The following SEPTIN10 variants were observed in gnomAD, a reference collection of about 807,000 sequenced individuals.
The protein encoded by SEPTIN10 is septin 10, also known as septin-10.
Under a neutral mutation model 54.8 loss-of-function variants are expected in SEPTIN10, and 66 were observed. The ratio of observed to expected loss-of-function variants is 1.21; its 90% CI spans 0.99 to 1.48. The LOEUF (loss-of-function observed/expected upper bound fraction) is 1.48, where lower values mean the gene tolerates loss of function less well. SEPTIN10 is among the 40% of genes most tolerant of loss of function. The probability of loss-of-function intolerance (pLI) is 0.00; values close to 1 mark genes in which losing one functional copy is unlikely to be tolerated. For missense variants in SEPTIN10, 620 were observed against 545.6 expected (o/e 1.14, Z -1.36); for synonymous variants, 161 against 181.0 (o/e 0.89, Z 0.89).
chr2:109,583,536 G>A (rs1340968626), intron 4 of SEPTIN10, among the ~76,000 whole-genome samples: 3 of 152,182 alleles, frequency 2.0e-5, no homozygotes, highest in East Asian at 3.8e-4. Context: ...GTACCCTGCT[G>A]GTGGGAATGT....
At chr2:109,603,905 T>C (rs1357719197) in intron 1 of SEPTIN10, among the ~76,000 whole-genome samples, 2 of 151,980 alleles carry the variant, frequency 1.3e-5, no homozygotes, top group African/African-American at 4.8e-5. Flanking sequence ...CTCACACCTG[T>C]AATCCCAGCA....
At chr2:109,591,018 A>C (rs965056724) in intron 2 of SEPTIN10, among the ~76,000 whole-genome samples, 1 of 152,242 alleles carries the variant, frequency 6.6e-6, no homozygotes, top group Admixed American at 6.5e-5. Context: ...GAGAGCTAAC[A>C]AACAGATGCC....
At chr2:109,600,320 C>T (rs191456555) in intron 1 of SEPTIN10, among the ~76,000 whole-genome samples, 1 of 152,242 alleles carries the variant, frequency 6.6e-6, no homozygotes, top group Non-Finnish European at 1.5e-5. Flanking sequence ...ACCCCTGCCC[C>T]TCATCTCCAA....
intron 8 of SEPTIN10, among the ~76,000 whole-genome samples, chr2:109,555,039 G>T (rs1442219259): frequency 2.0e-5 from 3 of 152,096 alleles, no homozygotes; most frequent in Non-Finnish European, 4.4e-5. Flanking sequence ...TGATCTTTGT[G>T]ATTTTCTGCC....
chr2:109,551,923 C>A lies in SEPTIN10; in HGVS notation c.1161+1164G>T, dbSNP rs146902385. Among the ~76,000 whole-genome samples the A allele has an allele frequency of 6.2e-3, 946 of 152,312 alleles. 6 individuals carry two copies. The highest frequency in any genetic ancestry group is 0.022 in the African/African-American group (894 of 41,566). On this transcript the variant is annotated intron_variant, in intron 9 of 10. Transcript: ENST00000397712. ...TTTGGTGCCAGGGCTACCCCAAGGT[C>A]ATCTAGACCAGGGGTCCCCAATCCC...
At chr2:109,572,321 G>A (rs572542255) in intron 5 of SEPTIN10, among the ~76,000 whole-genome samples, 73 of 152,288 alleles carry the variant, frequency 4.8e-4, no homozygotes, top group African/African-American at 1.3e-3. Flanking sequence ...TTTTAGTAGA[G>A]ACGGGGTTTC....
At chr2:109,599,959 G>C (rs1388886665) in intron 1 of SEPTIN10, among the ~76,000 whole-genome samples, 2 of 152,110 alleles carry the variant, frequency 1.3e-5, no homozygotes, top group African/African-American at 2.4e-5. Flanking sequence ...AGCCAAACAG[G>C]TGCGCCATTC....
At chr2:109,582,394 A>C (rs1240976944) in intron 4 of SEPTIN10, among the ~76,000 whole-genome samples, 6 of 152,150 alleles carry the variant, frequency 3.9e-5, no homozygotes, top group Non-Finnish European at 2.9e-5. Flanking sequence ...ATCACGGCTC[A>C]CTGCAGCTTC....
At chr2:109,605,903 G>T (rs188930759) in intron 1 of SEPTIN10, among the ~76,000 whole-genome samples, 18 of 152,322 alleles carry the variant, frequency 1.2e-4, no homozygotes, top group Admixed American at 5.9e-4. Flanking sequence ...CAGTATAAAT[G>T]TATGTTAAGA....
At chr2:109,598,499 A>G (rs1055492342) in intron 1 of SEPTIN10, among the ~76,000 whole-genome samples, 2 of 152,174 alleles carry the variant, frequency 1.3e-5, no homozygotes, top group African/African-American at 4.8e-5. Flanking sequence ...TCTTTAGGAT[A>G]ATGTGAGCGA....
At chr2:109,548,525 G>A (rs1681927093) in intron 9 of SEPTIN10, among the ~76,000 whole-genome samples, 1 of 152,116 alleles carries the variant, frequency 6.6e-6, no homozygotes, top group Non-Finnish European at 1.5e-5. Flanking sequence ...TAGAAAGGGG[G>A]AGACGTTTGG....
At chr2:109,545,391 C>T (rs1680918889) in intron 10 of SEPTIN10, 4 of 1,534,426 alleles carry the variant, frequency 2.6e-6, no homozygotes, top group South Asian at 2.4e-5. Flanking sequence ...ATACCCCAAA[C>T]CTACACGCCT....
At chr2:109,567,675 T>C (rs1385320076) in intron 6 of SEPTIN10, 140 bp downstream of exon 6, 8 of 783,604 alleles carry the variant, frequency 1.0e-5, no homozygotes, top group Non-Finnish European at 1.5e-5. Flanking sequence ...CATTTTCTCA[T>C]ACTGGACTTT....
chr2:109,572,448 T>C (rs1688627904), intron 5 of SEPTIN10, among the ~76,000 whole-genome samples: 1 of 151,490 alleles, frequency 6.6e-6, no homozygotes. Flanking sequence ...CCCTATTTTA[T>C]ATATGAAAAA....
At position 109,570,676 on chromosome 2, in the gene SEPTIN10, C is replaced by T. The variant is rs575612461; in HGVS notation, c.601-2700G>A. 4.6e-5 allele frequency among the ~76,000 whole-genome samples: 7 copies of T among 151,916 alleles called. No individual in the cohort carries two copies. The East Asian group carries it at 1.4e-3, about 30-fold the overall frequency. On this transcript the variant is annotated intron_variant, in intron 5 of 10. Transcript: ENST00000397712. ...AGCTGGGATTACAGGTGCCTGCCAC[C>T]ATGCCCAGCTAATTTTTTTGTATTT...
At chr2:109,591,113 ATT>A (rs937484994) in intron 2 of SEPTIN10, among the ~76,000 whole-genome samples, 140 of 152,324 alleles carry the variant, frequency 9.2e-4, no homozygotes, top group African/African-American at 3.3e-3. Context: ...CATTTGAATC[ATT>A]TTTAGTCATG....
At chr2:109,580,134 T>C (rs945540867) in intron 4 of SEPTIN10, among the ~76,000 whole-genome samples, 6 of 150,556 alleles carry the variant, frequency 4.0e-5, no homozygotes, top group Non-Finnish European at 7.4e-5. Context: ...AAAAAGAGTA[T>C]AAGACAAGAA....
At chr2:109,560,153 C>T (rs549571900) in intron 8 of SEPTIN10, among the ~76,000 whole-genome samples, 83 of 152,232 alleles carry the variant, frequency 5.5e-4, no homozygotes, top group African/African-American at 1.8e-3. Flanking sequence ...ATCTCCTGAC[C>T]TCGTGATCCG....
At chr2:109,596,527 G>A (rs1695351869) in intron 1 of SEPTIN10, among the ~76,000 whole-genome samples, 1 of 151,954 alleles carries the variant, frequency 6.6e-6, no homozygotes, top group Non-Finnish European at 1.5e-5. Flanking sequence ...TGAGGCAGGA[G>A]AATGGCGTGA....
Sources: allele counts gnomAD v4.1 joint callset (sites outside exome capture counted in the v4.1 genomes callset), GRCh38; gene constraint gnomAD v4.1.1; transcripts MANE v1.5; gene names NCBI Gene and HGNC (gene_info 2026-07-23, HGNC 2026-07-21).